The following FBXL17 variants were observed in gnomAD, a reference collection of about 807,000 sequenced individuals.
The protein encoded by FBXL17 is F-box and leucine rich repeat protein 17.
In FBXL17, 22 loss-of-function variants were observed where a neutral mutation model predicts 66.2. The ratio of observed to expected loss-of-function variants is 0.33; its 90% CI spans 0.24 to 0.47. FBXL17 has a LOEUF of 0.47. Among genes scored for constraint, FBXL17 ranks in the 20% least tolerant of loss-of-function variants. The pLI is 1.00. For missense variants in FBXL17, 878 were observed against 948.2 expected, an observed-to-expected ratio of 0.93 and a Z score of 0.97; for synonymous variants, 474 against 400.5, an observed-to-expected ratio of 1.18 and a Z score of -2.19.
At position 108,103,982 on chromosome 5, in the gene FBXL17, G is replaced by T. The variant is rs549792817; in HGVS notation, c.1745+82135C>A. On this transcript the variant is annotated intron_variant, in intron 6 of 8. Transcript: ENST00000542267. ...TGCCAGACAGTATGCCTTATGCTGG[G>T]TCTTCTCAAATTTCTGACATCAATT... Among the ~76,000 whole-genome samples, 3 of 152,134 alleles carry T rather than the reference G, an allele frequency of 2.0e-5. No individual in the cohort carries two copies. In the South Asian group the frequency reaches 6.2e-4, roughly 32 times the overall value.
chr5:108,308,098 C>T (rs1758939769), intron 4 of FBXL17, among the ~76,000 whole-genome samples: 1 of 151,844 alleles, frequency 6.6e-6, no homozygotes, highest in African/African-American at 2.4e-5. Context: ...CCATTTTTAC[C>T]CTAGCTATCC....
At chr5:108,063,186 A>G (rs1747990994) in intron 6 of FBXL17, among the ~76,000 whole-genome samples, 1 of 152,138 alleles carries the variant, frequency 6.6e-6, no homozygotes, top group South Asian at 2.1e-4. Flanking sequence ...GAAAGCTGAC[A>G]TTCCTAAATG....
chr5:108,128,124 T>C (rs1750791943), intron 6 of FBXL17, among the ~76,000 whole-genome samples: 1 of 151,872 alleles, frequency 6.6e-6, no homozygotes. Context: ...TGCATGCCTA[T>C]AATCCTAGCT....
At chr5:108,215,570 C>CT (rs1180894819) in intron 5 of FBXL17, among the ~76,000 whole-genome samples, 19 of 152,234 alleles carry the variant, frequency 1.2e-4, no homozygotes, top group African/African-American at 4.6e-4. Context: ...ATTAGGCTGT[C>CT]TTTTTGTTGC....
chr5:108,357,003 A>G (rs1460188661), intron 3 of FBXL17, among the ~76,000 whole-genome samples: 4 of 152,112 alleles, frequency 2.6e-5, no homozygotes, highest in Non-Finnish European at 5.9e-5. Flanking sequence ...TTAAAAGTCA[A>G]AAGAGCATTC....
At chr5:107,980,664 A>ATATATATATATATATATTTTTTTT in intron 7 of FBXL17, among the ~76,000 whole-genome samples, 8 of 62,064 alleles carry the variant, frequency 1.3e-4, no homozygotes, top group African/African-American at 6.2e-4. Flanking sequence ...ATATATATAT[A>ATATATATATATATATATTTTTTTT]TTTTTTTTTT....
intron 7 of FBXL17, among the ~76,000 whole-genome samples, chr5:108,004,553 TG>T (rs919105473): frequency 6.6e-6 from 1 of 152,154 alleles, no homozygotes; most frequent in Non-Finnish European, 1.5e-5. Flanking sequence ...GAAAAGTTCC[TG>T]GGCAAAGAGG....
chr5:108,377,259 T>C (rs1749505849), intron 1 of FBXL17, among the ~76,000 whole-genome samples: 3 of 152,236 alleles, frequency 2.0e-5, no homozygotes, highest in Admixed American at 1.3e-4. Flanking sequence ...TTTCACGTTA[T>C]GCCAGGATAT....
At chr5:108,150,773 G>A (rs1304101818) in intron 6 of FBXL17, among the ~76,000 whole-genome samples, 3 of 152,110 alleles carry the variant, frequency 2.0e-5, no homozygotes, top group Non-Finnish European at 4.4e-5. Context: ...ACATATGAAG[G>A]CACATAATAA....
chr5:108,020,201 T>C (rs1397626877), intron 7 of FBXL17, among the ~76,000 whole-genome samples: 2 of 151,940 alleles, frequency 1.3e-5, no homozygotes, highest in Non-Finnish European at 2.9e-5. Flanking sequence ...GAAAACCATT[T>C]CATTCTCTTA....
intron 1 of FBXL17, among the ~76,000 whole-genome samples, chr5:108,373,212 ATATAT>A (rs1189795069): frequency 4.8e-5 from 5 of 103,554 alleles, no homozygotes; most frequent in African/African-American, 1.5e-4. Context: ...ACATATCTAA[ATATAT>A]TATATTAATA....
chr5:107,943,371 T>C (rs1316119741), intron 7 of FBXL17, among the ~76,000 whole-genome samples: 5 of 152,122 alleles, frequency 3.3e-5, no homozygotes, highest in Non-Finnish European at 5.9e-5. Flanking sequence ...TTCCTAGGTT[T>C]ACCACCTTAG....
At chr5:108,090,291 G>A (rs1345460518) in intron 6 of FBXL17, among the ~76,000 whole-genome samples, 1 of 152,102 alleles carries the variant, frequency 6.6e-6, no homozygotes, top group African/African-American at 2.4e-5. Flanking sequence ...TACCACATGG[G>A]AGCCATTCAC....
At chr5:107,928,176 T>C (rs1040916734) in intron 7 of FBXL17, among the ~76,000 whole-genome samples, 21 of 152,154 alleles carry the variant, frequency 1.4e-4, no homozygotes, top group African/African-American at 4.6e-4. Context: ...AGAAGCAGCA[T>C]GTAGAAACAC....
At chr5:108,310,695 T>A (rs957375283) in intron 4 of FBXL17, among the ~76,000 whole-genome samples, 1 of 152,198 alleles carries the variant, frequency 6.6e-6, no homozygotes, top group African/African-American at 2.4e-5. Context: ...AGGAAATCTG[T>A]TTAAAAACTG....
At chr5:108,332,941 C>CA (rs34218940) in intron 4 of FBXL17, among the ~76,000 whole-genome samples, 19,984 of 34,958 alleles carry the variant, frequency 0.57, 5,827 homozygotes, top group Admixed American at 0.63. Context: ...AAAGCAAAAG[C>CA]AAAAAAAAAA....
At chr5:108,178,745 C>T (rs1752890381) in intron 6 of FBXL17, among the ~76,000 whole-genome samples, 1 of 152,116 alleles carries the variant, frequency 6.6e-6, no homozygotes, top group South Asian at 2.1e-4. Context: ...CTATAAATAC[C>T]ACCCCCAAGC....
intron 6 of FBXL17, among the ~76,000 whole-genome samples, chr5:108,147,999 C>A (rs1413992174): frequency 2.0e-5 from 3 of 150,428 alleles, no homozygotes; most frequent in South Asian, 2.1e-4. Flanking sequence ...AGGAAAAAAA[C>A]TGAAAAAAGC....
At chr5:107,969,188 A>C (rs971861344) in intron 7 of FBXL17, among the ~76,000 whole-genome samples, 5 of 152,170 alleles carry the variant, frequency 3.3e-5, no homozygotes, top group Admixed American at 2.0e-4. Context: ...GACCTTTTGC[A>C]GAAAAGGCTG....
Sources: allele counts gnomAD v4.1 joint callset (sites outside exome capture counted in the v4.1 genomes callset), GRCh38; gene constraint gnomAD v4.1.1; transcripts MANE v1.5; gene names NCBI Gene and HGNC (gene_info 2026-07-23, HGNC 2026-07-21).